RNF144B: variants seen among roughly 807,000 people sequenced by gnomAD.
The protein encoded by RNF144B is E3 ubiquitin-protein ligase RNF144B.
RNF144B carries 25 observed loss-of-function variants against 40.2 expected under a neutral mutation model. That is an observed-to-expected ratio of 0.62 (90% CI 0.45 to 0.87). RNF144B has a LOEUF of 0.87. Ranked by LOEUF, RNF144B falls within the 40% of genes least tolerant of loss-of-function variation. RNF144B has a pLI of 0.00. For synonymous variants in RNF144B, 145 were observed against 136.3 expected (o/e 1.06, Z -0.44); for missense variants, 365 against 373.7 (o/e 0.98, Z 0.19).
chr6:18,444,311 G>A lies in RNF144B; in HGVS notation c.331+4567G>A, dbSNP rs976482846. 2.0e-5 allele frequency among the ~76,000 whole-genome samples: 3 copies of A among 152,128 alleles called. No homozygotes were observed. The highest frequency in any genetic ancestry group is 4.8e-5 in the African/African-American group (2 of 41,414). On this transcript the variant is annotated intron_variant, in intron 4 of 7. Transcript: ENST00000259939. This position sits in a 1 kb window ranked among gnomAD's most constrained non-coding sequence, Gnocchi z 4.3. ...TTTCTGGCTTTCTCTTTCTGCATCA[G>A]CTTTCCAATATTAACAAGGAAAAGG...
intron 3 of RNF144B, among the ~76,000 whole-genome samples, chr6:18,435,988 G>T (rs961191180): frequency 6.6e-6 from 1 of 151,478 alleles, no homozygotes; most frequent in Non-Finnish European, 1.5e-5. Context: ...AAACCTGCAC[G>T]TTGTGCACAT....
At position 18,416,260 on chromosome 6, in the gene RNF144B, A is replaced by G. The variant is rs1158612166; in HGVS notation, c.166-11321A>G. On this transcript the variant is annotated intron_variant, in intron 2 of 7. Transcript: ENST00000259939. This position sits in a 1 kb window ranked among gnomAD's most constrained non-coding sequence, Gnocchi z 5.5. ...AAGGCAGCACAAGTGGGACAAAAGG[A>G]AACTCCTCTGAAAGGTTAATGGATG... Among the ~76,000 whole-genome samples the G allele has an allele frequency of 1.3e-5, 2 of 152,180 alleles. No homozygotes were observed. Among genetic ancestry groups the G allele is most frequent in the Non-Finnish European group, 2.9e-5 (2 of 68,034 alleles).
At position 18,442,800 on chromosome 6, in the gene RNF144B, C is replaced by T. The variant is rs1379946726; in HGVS notation, c.331+3056C>T. Among the ~76,000 whole-genome samples, 2 of 152,140 alleles carry T rather than the reference C, an allele frequency of 1.3e-5. No individual in the cohort carries two copies. Among genetic ancestry groups the T allele is most frequent in the East Asian group, 3.8e-4 (2 of 5,200 alleles). On this transcript the variant is annotated intron_variant, in intron 4 of 7. Transcript: ENST00000259939. The surrounding 1 kb of genome is among the most constrained non-coding windows in gnomAD (Gnocchi z 4.3). ...TGAGTGGAATCATACAATATCTGTC[C>T]TTTTGTGTTTGTCTTATTTTACTTA...
chr6:18,462,261 G>A (rs10807623), intron 6 of RNF144B, among the ~76,000 whole-genome samples: 51,781 of 151,912 alleles, frequency 0.34, 9,494 homozygotes, highest in East Asian at 0.5. Flanking sequence ...GTCACACCCC[G>A]ACTGTACCTC....
intron 1 of RNF144B, among the ~76,000 whole-genome samples, chr6:18,388,424 C>T (rs1327207377): frequency 6.6e-6 from 1 of 152,180 alleles, no homozygotes; most frequent in Non-Finnish European, 1.5e-5. Flanking sequence ...TAGGGGGTGT[C>T]TGTGCCCAGA....
At chr6:18,413,176 T>C (rs1420882285) in intron 2 of RNF144B, among the ~76,000 whole-genome samples, 1 of 152,128 alleles carries the variant, frequency 6.6e-6, no homozygotes, top group African/African-American at 2.4e-5. Flanking sequence ...ATATATAATG[T>C]ATGGCCTAGC....
At chr6:18,426,757 A>G (rs1194313215) in intron 2 of RNF144B, among the ~76,000 whole-genome samples, 2 of 120,678 alleles carry the variant, frequency 1.7e-5, no homozygotes, top group Admixed American at 8.0e-5. Flanking sequence ...TTTTCTATTC[A>G]ATGTCTTCTC....
rs953613055 is a variant in RNF144B at position 18,467,653 on chromosome 6, A to AT, written c.*2592dup. 17 of 150,120 alleles carry AT rather than the reference A, an allele frequency of 1.1e-4. No homozygotes were observed. Among genetic ancestry groups the AT allele is most frequent in the East Asian group, 3.9e-4 (2 of 5,084 alleles). 9.3% of individuals were successfully genotyped at this position (150,120 alleles called of 1,614,324 possible). ...GAGCTGGCGACTTATTTTTATTTTT[A>AT]TTTTTTGGACAGAGTCTCCCTTTGT... is the stretch of plus-strand genomic sequence containing the variant. On this transcript the variant is annotated 3_prime_UTR_variant, in exon 8 of 8. Coordinates refer to ENST00000259939, the MANE Select transcript of RNF144B (RefSeq NM_182757.4).
In RNF144B at chr6:18,446,840, G is replaced by GGTGTGTGTGT. The variant is rs70974744; in HGVS notation, c.331+7121_331+7130dup. On this transcript the variant is annotated intron_variant, in intron 4 of 7. Transcript: ENST00000259939. The surrounding 1 kb of genome is among the most constrained non-coding windows in gnomAD (Gnocchi z 4.7). ...TAAAGTTTTATTGGTTCTATTTTAG[G>GGTGTGTGTGT]GTGTGTGTGTGTGTGTGTGTGTGTG... Among the ~76,000 whole-genome samples the GGTGTGTGTGT allele has an allele frequency of 7.4e-5, 11 of 148,000 alleles. No homozygotes were observed. Among genetic ancestry groups the GGTGTGTGTGT allele is most frequent in the East Asian group, 4.0e-4 (2 of 4,940 alleles).
In RNF144B at chr6:18,442,045, AGTGG is replaced by A. The variant is rs1758977377; in HGVS notation, c.331+2303_331+2306del. On this transcript the variant is annotated intron_variant, in intron 4 of 7. Transcript: ENST00000259939. The surrounding 1 kb of genome is among the most constrained non-coding windows in gnomAD (Gnocchi z 4.3). ...AGATATTATTGATTGTCTTGTTGTC[AGTGG>A]GATTAGAACACTTGAAGTTAATTGG... 6.6e-6 allele frequency among the ~76,000 whole-genome samples: 1 copy of A among 152,216 alleles called. No individual in the cohort carries two copies. The highest frequency in any genetic ancestry group is 2.1e-4 in the South Asian group (1 of 4,826).
intron 2 of RNF144B, among the ~76,000 whole-genome samples, chr6:18,409,149 G>A (rs575201777): frequency 5.3e-5 from 8 of 151,930 alleles, no homozygotes; most frequent in East Asian, 1.9e-4. Context: ...AGGCCGAGGC[G>A]GGTGGATCAC....
At chr6:18,413,356 A>G (rs1795084927) in intron 2 of RNF144B, among the ~76,000 whole-genome samples, 1 of 152,248 alleles carries the variant, frequency 6.6e-6, no homozygotes, top group African/African-American at 2.4e-5. Context: ...AGTCAGTACA[A>G]AACAAATGTA....
rs545034714 is a variant in RNF144B at position 18,453,854 on chromosome 6, T to C, written c.332-3301T>C. ...TTTGAACTGGGTACTTGCTTGCTATTACCAGAAATAGCCACATCAGCTAAG... is the reference window on the plus strand; with the variant it reads ...TTTGAACTGGGTACTTGCTTGCTATCACCAGAAATAGCCACATCAGCTAAG... On this transcript the variant is annotated intron_variant, in intron 4 of 7. Transcript: ENST00000259939. Among the ~76,000 whole-genome samples the C allele has an allele frequency of 1.5e-4, 23 of 152,296 alleles. No individual in the cohort carries two copies. In the South Asian group the frequency reaches 3.3e-3, roughly 22 times the overall value.
intron 1 of RNF144B, among the ~76,000 whole-genome samples, chr6:18,394,408 G>A (rs187120568): frequency 6.6e-6 from 1 of 152,220 alleles, no homozygotes. Context: ...GACCAGCCTG[G>A]TCAATATGGT....
chr6:18,401,053 C>T (rs886739156), intron 2 of RNF144B, among the ~76,000 whole-genome samples: 1 of 152,170 alleles, frequency 6.6e-6, no homozygotes, highest in Non-Finnish European at 1.5e-5. Context: ...TGCTGCAGAC[C>T]CTTGCTAATC....
chr6:18,448,069 C>T lies in RNF144B; in HGVS notation c.331+8325C>T, dbSNP rs1759122184. Among the ~76,000 whole-genome samples the T allele has an allele frequency of 6.6e-6, 1 of 152,068 alleles. No individual in the cohort carries two copies. The highest frequency in any genetic ancestry group is 1.5e-5 in the Non-Finnish European group (1 of 68,006). Reference sequence around the variant, plus strand: ...TAGTGGAATGACAGAGAAGTGCCAGCTTGGAGAGGGTTCAGGGTACTATGA... The same window carrying T: ...TAGTGGAATGACAGAGAAGTGCCAGTTTGGAGAGGGTTCAGGGTACTATGA... On this transcript the variant is annotated intron_variant, in intron 4 of 7. Transcript: ENST00000259939. This position sits in a 1 kb window ranked among gnomAD's most constrained non-coding sequence, Gnocchi z 4.0.
intron 1 of RNF144B, among the ~76,000 whole-genome samples, chr6:18,390,445 T>C (rs1794556841): frequency 6.6e-6 from 1 of 152,226 alleles, no homozygotes. Context: ...TGACCAATGC[T>C]TCTGCAACGT....
rs1317167798 is a variant in RNF144B, at chr6:18,398,582, C to T, written c.-36-917C>T. Among the ~76,000 whole-genome samples the T allele has an allele frequency of 1.3e-5, 2 of 151,972 alleles. No individual in the cohort carries two copies. Among genetic ancestry groups the T allele is most frequent in the Non-Finnish European group, 2.9e-5 (2 of 67,980 alleles). On this transcript the variant is annotated intron_variant, in intron 1 of 7. Transcript: ENST00000259939. The surrounding 1 kb of genome is among the most constrained non-coding windows in gnomAD (Gnocchi z 5.0). ...TGTAATTTTGTATTTTTAGTAGAGA[C>T]GAGGTTTCACCATGTTGGCCAGGCT...
rs139894362 is a variant in RNF144B, at chr6:18,460,588, C to A, written c.681+837C>A. ...TTCAAATCAATGGTGTCTCCTAACTCTCTTCTCTCCCTCATGCTCTCTTGC... is the reference window on the plus strand; with the variant it reads ...TTCAAATCAATGGTGTCTCCTAACTATCTTCTCTCCCTCATGCTCTCTTGC... On this transcript the variant is annotated intron_variant, in intron 6 of 7. Transcript: ENST00000259939. The surrounding 1 kb of genome is among the most constrained non-coding windows in gnomAD (Gnocchi z 4.4). Among the ~76,000 whole-genome samples the A allele has an allele frequency of 7.9e-5, 12 of 152,234 alleles. No homozygotes were observed. In the East Asian group the frequency reaches 2.3e-3, roughly 29 times the overall value.
Sources: allele counts gnomAD v4.1 joint callset (sites outside exome capture counted in the v4.1 genomes callset), GRCh38; gene constraint gnomAD v4.1.1; non-coding constraint Gnocchi (gnomAD v3.1); transcripts MANE v1.5; gene names NCBI Gene and HGNC (gene_info 2026-07-23, HGNC 2026-07-21).